MIR2052HG: variants seen among roughly 807,000 people sequenced by gnomAD.
The protein encoded by MIR2052HG is MIR2052 host gene.
At chr8:74,633,903 A>T (rs1382988272) in intron 2 of MIR2052HG, among the ~76,000 whole-genome samples, 6 of 152,232 alleles carry the variant, frequency 3.9e-5, no homozygotes, top group Admixed American at 3.9e-4. Context: ...TACATTTCTA[A>T]GTTGGTTAAT....
intron 1 of MIR2052HG, among the ~76,000 whole-genome samples, chr8:74,611,296 T>G (rs1189124468): frequency 2.0e-5 from 3 of 152,132 alleles, no homozygotes; most frequent in Non-Finnish European, 4.4e-5. Flanking sequence ...AAATATCTTA[T>G]ATTAAAAACA....
chr8:74,667,200 T>C lies in MIR2052HG; in HGVS notation n.217-35179T>C, dbSNP rs1233407301. ...AGAGGCCAGAGAGGAGGGGTATGAA[T>C]GTGGAGAAAAGGGTGGGCTTATCTG... is the stretch of plus-strand genomic sequence containing the variant. On this transcript the variant is annotated intron_variant and non_coding_transcript_variant, in intron 2 of 6. Transcript: ENST00000523442. 6.6e-5 allele frequency among the ~76,000 whole-genome samples: 10 copies of C among 152,174 alleles called. No individual in the cohort carries two copies. In the East Asian group the frequency reaches 1.5e-3, roughly 24 times the overall value.
intron 2 of MIR2052HG, among the ~76,000 whole-genome samples, chr8:74,652,516 T>G (rs1808763899): frequency 6.6e-6 from 1 of 152,180 alleles, no homozygotes; most frequent in Non-Finnish European, 1.5e-5. Flanking sequence ...TTTGGGGTTG[T>G]TTTTAGCATA....
At chr8:74,712,808 A>AT (rs933626780) in intron 4 of MIR2052HG, among the ~76,000 whole-genome samples, 3 of 151,382 alleles carry the variant, frequency 2.0e-5, no homozygotes, top group East Asian at 1.9e-4. Flanking sequence ...TATGACATTG[A>AT]TTTTTTTCTG....
intron 2 of MIR2052HG, among the ~76,000 whole-genome samples, chr8:74,644,708 T>C (rs1808673671): frequency 6.6e-6 from 1 of 151,828 alleles, no homozygotes; most frequent in Non-Finnish European, 1.5e-5. Context: ...CTGGGAAACA[T>C]GGCAAAACCC....
chr8:74,697,148 A>G (rs918393417), intron 2 of MIR2052HG, among the ~76,000 whole-genome samples: 1 of 152,144 alleles, frequency 6.6e-6, no homozygotes, highest in Non-Finnish European at 1.5e-5. Flanking sequence ...TGGGTTTCAT[A>G]CCAGAGATGG....
intron 2 of MIR2052HG, among the ~76,000 whole-genome samples, chr8:74,663,183 T>A (rs1406797298): frequency 1.3e-5 from 2 of 151,950 alleles, no homozygotes; most frequent in African/African-American, 4.8e-5. Context: ...TTTGAAAAAG[T>A]GAAAGTGAAC....
chr8:74,730,373 G>A (rs181795720), intron 4 of MIR2052HG, among the ~76,000 whole-genome samples: 1 of 152,200 alleles, frequency 6.6e-6, no homozygotes, highest in East Asian at 1.9e-4. Context: ...TTTCTCATGA[G>A]ACAAAAGGTA....
chr8:74,677,196 A>G (rs929068255), intron 2 of MIR2052HG, among the ~76,000 whole-genome samples: 2 of 152,018 alleles, frequency 1.3e-5, no homozygotes, highest in African/African-American at 4.8e-5. Flanking sequence ...TTCAATATAT[A>G]TGCACAAAAT....
chr8:74,673,198 C>A (rs2128738253), intron 2 of MIR2052HG, among the ~76,000 whole-genome samples: 1 of 152,138 alleles, frequency 6.6e-6, no homozygotes, highest in South Asian at 2.1e-4. Flanking sequence ...GATATTTACC[C>A]AGGCTTTCCA....
chr8:74,701,855 C>T (rs1809361484), intron 2 of MIR2052HG, among the ~76,000 whole-genome samples: 1 of 152,092 alleles, frequency 6.6e-6, no homozygotes, highest in Non-Finnish European at 1.5e-5. Flanking sequence ...GAATTGCAGG[C>T]AGTGAAAAAT....
chr8:74,744,636 C>G (rs1417389617), intron 4 of MIR2052HG, among the ~76,000 whole-genome samples: 1 of 152,068 alleles, frequency 6.6e-6, no homozygotes, highest in Non-Finnish European at 1.5e-5. Flanking sequence ...TCATCCATGT[C>G]CCTACAAAGG....
At chr8:74,622,610 T>C (rs1808377965) in intron 2 of MIR2052HG, among the ~76,000 whole-genome samples, 1 of 149,792 alleles carries the variant, frequency 6.7e-6, no homozygotes, top group South Asian at 2.1e-4. Flanking sequence ...TCTCAAAAAA[T>C]TAGAAAAAAA....
At chr8:74,741,455 G>T (rs192476074) in intron 4 of MIR2052HG, among the ~76,000 whole-genome samples, 1 of 152,172 alleles carries the variant, frequency 6.6e-6, no homozygotes, top group Non-Finnish European at 1.5e-5. Flanking sequence ...AATTTCTTTG[G>T]CTTTCAGCTT....
intron 2 of MIR2052HG, among the ~76,000 whole-genome samples, chr8:74,680,582 T>C (rs1274858959): frequency 1.3e-5 from 2 of 152,142 alleles, no homozygotes; most frequent in Admixed American, 1.3e-4. Flanking sequence ...GGAGAGGATG[T>C]GGAGAAACAG....
intron 2 of MIR2052HG, among the ~76,000 whole-genome samples, chr8:74,686,535 C>T (rs1415946151): frequency 2.0e-5 from 3 of 151,996 alleles, no homozygotes; most frequent in African/African-American, 7.2e-5. Flanking sequence ...GATTAGAAAA[C>T]CAGCAATTGC....
intron 2 of MIR2052HG, among the ~76,000 whole-genome samples, chr8:74,668,731 A>G (rs1808958784): frequency 6.6e-6 from 1 of 152,174 alleles, no homozygotes; most frequent in Non-Finnish European, 1.5e-5. Flanking sequence ...ACCTCTTGGA[A>G]CTGCCCCACC....
chr8:74,627,805 G>A (rs981922449), intron 2 of MIR2052HG, among the ~76,000 whole-genome samples: 6 of 152,138 alleles, frequency 3.9e-5, no homozygotes, highest in Non-Finnish European at 8.8e-5. Flanking sequence ...TATGACATAA[G>A]CATTTTAAAA....
chr8:74,660,869 T>TA (rs11436838), intron 2 of MIR2052HG, among the ~76,000 whole-genome samples: 100,911 of 151,682 alleles, frequency 0.67, 34,528 homozygotes, highest in African/African-American at 0.83. Context: ...GCTTTATGTT[T>TA]AAAAAAAATA....
Sources: allele counts gnomAD v4.1 joint callset (sites outside exome capture counted in the v4.1 genomes callset), GRCh38; gene constraint gnomAD v4.1.1; transcripts MANE v1.5; gene names NCBI Gene and HGNC (gene_info 2026-07-23, HGNC 2026-07-21).